Variants in HMCN1 observed in about 807,000 individuals in gnomAD.
The protein encoded by HMCN1 is hemicentin 1, also known as hemicentin-1.
In HMCN1, 321 loss-of-function variants were observed where a neutral mutation model predicts 625.9. The ratio of observed to expected loss-of-function variants is 0.51; its 90% CI spans 0.47 to 0.56. The LOEUF (loss-of-function observed/expected upper bound fraction) is 0.56, where lower values mean the gene tolerates loss of function less well. Among genes scored for constraint, HMCN1 ranks in the 20% least tolerant of loss-of-function variants. The pLI is 0.00. For missense variants in HMCN1, 6,588 were observed against 6,887.3 expected (o/e 0.96, Z 1.54); for synonymous variants, 2,425 against 2,417.6 (o/e 1.00, Z -0.09).
At chr1:185,928,356 A>G (rs1312729010) in intron 9 of HMCN1, among the ~76,000 whole-genome samples, 190 bp from the exon 10 acceptor site, 6 of 152,164 alleles carry the variant, frequency 3.9e-5, no homozygotes, top group African/African-American at 1.4e-4. Flanking sequence ...TGCTCAGAGT[A>G]GAAAAGCCTC....
intron 1 of HMCN1, among the ~76,000 whole-genome samples, chr1:185,842,645 A>C (rs952331225): frequency 1.3e-5 from 2 of 151,548 alleles, no homozygotes; most frequent in Admixed American, 1.3e-4. Context: ...CAGGAGGATC[A>C]CTTGATCCTT....
chr1:186,059,290 A>G (rs1177808621), intron 46 of HMCN1, among the ~76,000 whole-genome samples: 4 of 152,064 alleles, frequency 2.6e-5, no homozygotes, highest in Non-Finnish European at 5.9e-5. Flanking sequence ...TAAACACATT[A>G]TCTTCTTGGC....
At chr1:186,036,289 A>G (rs1655816508) in intron 36 of HMCN1, among the ~76,000 whole-genome samples, 1 of 152,150 alleles carries the variant, frequency 6.6e-6, no homozygotes, top group Non-Finnish European at 1.5e-5. Context: ...AGACTGGGCA[A>G]TTTAGAAAAG....
intron 97 of HMCN1, among the ~76,000 whole-genome samples, chr1:186,161,335 C>T (rs1651462324): frequency 6.6e-6 from 1 of 151,516 alleles, no homozygotes; most frequent in African/African-American, 2.4e-5. Context: ...AGATGGGTTT[C>T]CTGAATACAA....
At chr1:185,903,235 G>T (rs1289419167) in intron 4 of HMCN1, among the ~76,000 whole-genome samples, 4 of 151,598 alleles carry the variant, frequency 2.6e-5, no homozygotes, top group African/African-American at 9.7e-5. Flanking sequence ...TTTTTCGGCT[G>T]TTGTGTATTA....
At chr1:185,856,227 G>A (rs1029761606) in intron 2 of HMCN1, among the ~76,000 whole-genome samples, 12 of 152,088 alleles carry the variant, frequency 7.9e-5, no homozygotes, top group Non-Finnish European at 1.2e-4. Context: ...GGTGGCTCAC[G>A]CCTGTAATCC....
In HMCN1 at chr1:186,041,160, C is replaced by A. The variant is rs375911564; in HGVS notation, c.6304+24C>A. The A allele has an allele frequency of 3.5e-5, 56 of 1,604,504 alleles. No homozygotes were observed. In the African/African-American group the frequency reaches 5.9e-4, roughly 17 times the overall value. On this transcript the variant is annotated intron_variant, in intron 40 of 106. Coordinates refer to ENST00000271588, the MANE Select transcript of HMCN1 (RefSeq NM_031935.3). ...TGGTGAGACATTTTAGTAATTAATT[C>A]TCTTCTGGTAGAGATATGTTTGGGT...
At chr1:185,881,421 G>A (rs868381036) in intron 4 of HMCN1, among the ~76,000 whole-genome samples, 9 of 152,184 alleles carry the variant, frequency 5.9e-5, no homozygotes, top group Admixed American at 5.2e-4. Flanking sequence ...AAGTCAAGCT[G>A]CTGCTCTCTG....
At chr1:185,952,585 G>A (rs1166109768) in intron 11 of HMCN1, among the ~76,000 whole-genome samples, 1 of 151,770 alleles carries the variant, frequency 6.6e-6, no homozygotes, top group Non-Finnish European at 1.5e-5. Flanking sequence ...TTTCCATCTT[G>A]TAGGATGGAA....
intron 2 of HMCN1, among the ~76,000 whole-genome samples, chr1:185,860,018 C>A (rs1466773385): frequency 6.6e-6 from 1 of 151,868 alleles, no homozygotes; most frequent in East Asian, 1.9e-4. Context: ...TATTAGAAAA[C>A]CGAACTGAAA....
intron 6 of HMCN1, among the ~76,000 whole-genome samples, chr1:185,918,006 G>A (rs994845708): frequency 6.6e-5 from 10 of 151,988 alleles, no homozygotes; most frequent in Admixed American, 5.2e-4. Flanking sequence ...ACAACTTTAG[G>A]ATACCAATAT....
At chr1:185,960,987 C>G (rs7523154) in intron 11 of HMCN1, among the ~76,000 whole-genome samples, 1 of 152,170 alleles carries the variant, frequency 6.6e-6, no homozygotes, top group Non-Finnish European at 1.5e-5. Context: ...TGACCTCACA[C>G]ATTTCTCTAG....
rs1288345367 is a variant in HMCN1, at chr1:186,057,510, G to T, written c.7312+109G>T. 14 of 786,466 alleles carry T rather than the reference G, an allele frequency of 1.8e-5. No individual in the cohort carries two copies. The East Asian group carries it at 3.5e-4, about 20-fold the overall frequency. 48.7% of individuals were successfully genotyped at this position (786,466 alleles called of 1,614,324 possible). A position where few individuals can be genotyped will look rare whatever the true frequency, so the allele number is the denominator to read the frequency against. ...TTATTGTTTTATTTTTTAACCTACT[G>T]CTTACTGTAATATTCACTAATCATA... On this transcript the variant is annotated intron_variant, in intron 46 of 106. Transcript: ENST00000271588.
At position 186,189,846 on chromosome 1, in the gene HMCN1, G is replaced by C; in HGVS notation, c.16876G>C (p.Val5626Leu). The change falls in exon 107 of 107, where the codon GTT (valine) becomes CTT (leucine). Residue 5626 changes from valine to leucine, a missense_variant. Around this residue, in one of 3 missense-constraint regions of HMCN1, gnomAD observed 1,954 missense variants for 2,013.1 expected, o/e 0.97. Transcript: ENST00000271588. The stretch of plus-strand genomic sequence containing the variant: ...CATTGAATATCAGACCACATTCATA[G>C]TTTATATAGCTGTGTCCGCCTATCC... Reference protein sequence around the residue: ...GTIEYQTTFIVYIAVSAYPY With the variant: ...GTIEYQTTFILYIAVSAYPY The C allele has an allele frequency of 1.2e-6, 2 of 1,613,808 alleles. No individual in the cohort carries two copies. Among genetic ancestry groups the C allele is most frequent in the Non-Finnish European group, 1.7e-6 (2 of 1,179,836 alleles).
chr1:185,756,170 T>A (rs1571308953), intron 1 of HMCN1, among the ~76,000 whole-genome samples: 1 of 152,118 alleles, frequency 6.6e-6, no homozygotes. Context: ...AAAACAAGAT[T>A]TTTTACAGGA....
intron 58 of HMCN1, among the ~76,000 whole-genome samples, chr1:186,086,779 T>C (rs1483340297): frequency 8.2e-6 from 1 of 121,696 alleles, no homozygotes; most frequent in East Asian, 2.3e-4. Flanking sequence ...GATAGGTAGA[T>C]AGATAGATAG....
At chr1:186,052,866 A>T in intron 42 of HMCN1, 86 bp from the exon 43 acceptor site, 1 of 1,138,026 alleles carries the variant, frequency 8.8e-7, no homozygotes, top group African/African-American at 1.5e-5. Context: ...ATGTCATTTG[A>T]GTAGAAGCCT....
chr1:186,028,367 A>G (rs952567009), intron 36 of HMCN1, among the ~76,000 whole-genome samples: 1 of 152,220 alleles, frequency 6.6e-6, no homozygotes, highest in African/African-American at 2.4e-5. Flanking sequence ...TCTATCTAGA[A>G]CAATGTTCTC....
At chr1:185,767,540 G>A (rs1015852848) in intron 1 of HMCN1, among the ~76,000 whole-genome samples, 9 of 152,144 alleles carry the variant, frequency 5.9e-5, no homozygotes, top group African/African-American at 2.2e-4. Flanking sequence ...TGATTTAACA[G>A]TAACACAATC....
Sources: allele counts gnomAD v4.1 joint callset (sites outside exome capture counted in the v4.1 genomes callset), GRCh38; gene constraint gnomAD v4.1.1; regional missense constraint gnomAD v4.1.1; transcripts MANE v1.5; gene names NCBI Gene and HGNC (gene_info 2026-07-23, HGNC 2026-07-21).